Variants in FANCC observed in about 807,000 individuals in gnomAD.
FANCC encodes FA complementation group C.
Under a neutral mutation model 71.3 loss-of-function variants are expected in FANCC, and 55 were observed. The observed-to-expected ratio is 0.77, with a 90% CI of 0.62 to 0.97. The LOEUF (loss-of-function observed/expected upper bound fraction) is 0.97, where lower values mean the gene tolerates loss of function less well. FANCC is among the 50% of genes least tolerant of loss of function. The pLI is 0.00. For synonymous variants in FANCC, 275 were observed against 244.9 expected (o/e 1.12, Z -1.15); for missense variants, 678 against 670.9 (o/e 1.01, Z -0.12).
chr9:95,145,460 C>G (rs561447470), intron 7 of FANCC: 2 of 152,162 alleles, frequency 1.3e-5, no homozygotes, highest in Non-Finnish European at 2.9e-5. Context: ...CCAGCTCTCT[C>G]GATAATCTAT....
At chr9:95,111,044 G>A in intron 13 of FANCC, 1 of 1,462,744 alleles carries the variant, frequency 6.8e-7, no homozygotes, top group Non-Finnish European at 9.0e-7. Context: ...CAAGATGGAA[G>A]CAAGCCCTGG....
At chr9:95,290,336 T>G (rs1833929631) in intron 1 of FANCC, among the ~76,000 whole-genome samples, 2 of 152,218 alleles carry the variant, frequency 1.3e-5, no homozygotes, top group Admixed American at 6.5e-5. Flanking sequence ...TTAGGGAAAC[T>G]GAGGATCTTC....
chr9:95,240,151 G>C (rs1268441976), intron 4 of FANCC, among the ~76,000 whole-genome samples: 2 of 152,182 alleles, frequency 1.3e-5, no homozygotes, highest in East Asian at 3.9e-4. Flanking sequence ...GAGCAGCAGA[G>C]GCTGCGCAGC....
intron 8 of FANCC, among the ~76,000 whole-genome samples, chr9:95,130,414 A>G (rs1328014266): frequency 6.6e-6 from 1 of 152,236 alleles, no homozygotes; most frequent in Non-Finnish European, 1.5e-5. Context: ...AATCCCTTTT[A>G]GAAAAAATAA....
chr9:95,221,240 CA>C (rs1829243063), intron 4 of FANCC, among the ~76,000 whole-genome samples: 5 of 151,986 alleles, frequency 3.3e-5, no homozygotes, highest in Admixed American at 3.3e-4. Context: ...AAGCCACACA[CA>C]AAATCTGTCT....
intron 4 of FANCC, among the ~76,000 whole-genome samples, chr9:95,191,394 G>A (rs1827103734): frequency 7.7e-6 from 1 of 129,998 alleles, no homozygotes; most frequent in Non-Finnish European, 1.6e-5. Flanking sequence ...GTGCAGTGGT[G>A]TGATCTTGGT....
intron 1 of FANCC, among the ~76,000 whole-genome samples, chr9:95,259,346 T>C (rs574553500): frequency 6.6e-6 from 1 of 152,192 alleles, no homozygotes; most frequent in South Asian, 2.1e-4. Context: ...AAAACAGAGA[T>C]ATAGGCCAAT....
At chr9:95,295,713 A>G (rs1197819363) in intron 1 of FANCC, among the ~76,000 whole-genome samples, 1 of 151,416 alleles carries the variant, frequency 6.6e-6, no homozygotes, top group African/African-American at 2.4e-5. Flanking sequence ...GGCTACAGTG[A>G]GCTATGATCA....
intron 8 of FANCC, chr9:95,126,849 T>C: frequency 2.2e-6 from 1 of 446,994 alleles, no homozygotes; most frequent in Non-Finnish European, 4.1e-6. Flanking sequence ...AGGCGATCCA[T>C]AATACAGAAT....
At chr9:95,145,755 C>T (rs1486167794) in intron 7 of FANCC, among the ~76,000 whole-genome samples, 4 of 152,154 alleles carry the variant, frequency 2.6e-5, no homozygotes, top group South Asian at 2.1e-4. Context: ...GAGAATGTGA[C>T]AAGGGAACCA....
chr9:95,174,674 A>G (rs1234313881), intron 4 of FANCC, among the ~76,000 whole-genome samples: 1 of 152,206 alleles, frequency 6.6e-6, no homozygotes, highest in Non-Finnish European at 1.5e-5. Context: ...AAAAAGTCCT[A>G]TACTGCATTT....
intron 10 of FANCC, among the ~76,000 whole-genome samples, chr9:95,118,790 TGC>T (rs2072641052): frequency 4.6e-5 from 7 of 152,260 alleles, no homozygotes; most frequent in Admixed American, 3.9e-4. Context: ...TGTATGAATA[TGC>T]CATAGTCTGT....
chr9:95,115,976 A>C lies in FANCC; in HGVS notation c.1073-1266T>G, dbSNP rs185158572. On this transcript the variant is annotated intron_variant, in intron 11 of 14. Transcript: ENST00000289081. The stretch of plus-strand genomic sequence containing the variant: ...AAAAACACTTCTTCAATCTGTGACC[A>C]TAACACTGTTTCCCAAAGTAATATA... Among the ~76,000 whole-genome samples the C allele has an allele frequency of 1.9e-4, 29 of 152,372 alleles. No individual in the cohort carries two copies. The East Asian group carries it at 5.6e-3, about 29-fold the overall frequency.
intron 8 of FANCC, among the ~76,000 whole-genome samples, chr9:95,129,309 A>G (rs1008946762): frequency 2.6e-5 from 4 of 152,228 alleles, no homozygotes; most frequent in Admixed American, 1.3e-4. Flanking sequence ...CAGGTCAGGC[A>G]TATGTCCCAG....
At position 95,111,592 on chromosome 9, in the gene FANCC, G is replaced by A. The variant is rs767215159; in HGVS notation, c.1200C>T (p.Phe400=). The change falls in exon 13 of 15, where the codon TTC becomes TTT. Residue 400 remains phenylalanine (F), a synonymous_variant. Transcript: ENST00000289081. ...PFESWFLFIH[F]GGWAEMVAEQ... The stretch of plus-strand genomic sequence containing the variant: ...CTGCCACCATCTCAGCCCATCCTCC[G>A]AAGTGAATGAACAGGAACCAGCTCT... 15 of 1,614,134 alleles carry A rather than the reference G, an allele frequency of 9.3e-6. No individual in the cohort carries two copies. The highest frequency in any genetic ancestry group is 2.2e-5 in the East Asian group (1 of 44,882).
At position 95,107,101 on chromosome 9, in the gene FANCC, C is replaced by T; in HGVS notation, c.1498G>A (p.Gly500Arg). Residue 500 changes from glycine to arginine, a missense_variant, in exon 14 of 15, where the codon GGA (glycine) becomes AGA (arginine). Coordinates refer to ENST00000289081, the MANE Select transcript of FANCC (RefSeq NM_000136.3). ...LLLNFLLWAP[G>R]GHTIAWDVIT... ...ACATCCCAGGCGATCGTGTGGCCTCCAGGAGCCCAGAGCAGGAAGTTGAGG... is the reference window on the plus strand; with the variant it reads ...ACATCCCAGGCGATCGTGTGGCCTCTAGGAGCCCAGAGCAGGAAGTTGAGG... 5 of 1,614,194 alleles carry T rather than the reference C, an allele frequency of 3.1e-6. No homozygotes were observed. In the South Asian group the frequency reaches 5.5e-5, roughly 18 times the overall value.
At chr9:95,268,139 C>T (rs1157666304) in intron 1 of FANCC, among the ~76,000 whole-genome samples, 5 of 152,218 alleles carry the variant, frequency 3.3e-5, no homozygotes, top group African/African-American at 1.2e-4. Context: ...AAGTAACTTT[C>T]GTTTTATACA....
At chr9:95,240,007 C>A (rs1409837576) in intron 4 of FANCC, among the ~76,000 whole-genome samples, 1 of 152,248 alleles carries the variant, frequency 6.6e-6, no homozygotes, top group African/African-American at 2.4e-5. Context: ...CTGGTGAGGG[C>A]AGCTGCAGCC....
chr9:95,164,682 G>A lies in FANCC; in HGVS notation c.521+6397C>T, dbSNP rs920607641. 3.9e-5 allele frequency among the ~76,000 whole-genome samples: 6 copies of A among 152,122 alleles called. No individual in the cohort carries two copies. In the East Asian group the frequency reaches 7.7e-4, roughly 20 times the overall value. On this transcript the variant is annotated intron_variant, in intron 6 of 14. Coordinates refer to ENST00000289081, the MANE Select transcript of FANCC (RefSeq NM_000136.3). ...TGGTGTTTATACATATCTTTTTAAC[G>A]TATTGTTGAATTCCCTTTTTGCTGA...
Sources: gnomAD v4.1 joint callset for allele counts (sites outside exome capture counted in the v4.1 genomes callset) on GRCh38, gnomAD v4.1.1 for gene constraint, MANE v1.5 for transcripts, NCBI Gene and HGNC (gene_info 2026-07-23, HGNC 2026-07-21) for gene names.